The following ABCA8 variants were observed in gnomAD, a reference collection of about 807,000 sequenced individuals.
The protein encoded by ABCA8 is ABC-type organic anion transporter ABCA8.
ABCA8 carries 177 observed loss-of-function variants against 192.3 expected under a neutral mutation model. The ratio of observed to expected loss-of-function variants is 0.92; its 90% CI spans 0.81 to 1.04. The LOEUF (loss-of-function observed/expected upper bound fraction) is 1.04, where lower values mean the gene tolerates loss of function less well. Among genes scored for constraint, ABCA8 ranks in the 50% least tolerant of loss-of-function variants. ABCA8 has a pLI of 0.00. For missense variants in ABCA8, 1,915 were observed against 1,904.8 expected, an observed-to-expected ratio of 1.01 and a Z score of -0.10; for synonymous variants, 642 against 690.2, an observed-to-expected ratio of 0.93 and a Z score of 1.09.
At chr17:68,903,566 A>C in intron 19 of ABCA8, 67 bp from the exon 20 acceptor site, 1 of 1,498,020 alleles carries the variant, frequency 6.7e-7, no homozygotes, top group Non-Finnish European at 9.2e-7. Context: ...TGGCTCTGCT[A>C]AGCATCTCAT....
At chr17:68,899,364 A>G (rs974908744) in intron 21 of ABCA8, among the ~76,000 whole-genome samples, 1 of 152,066 alleles carries the variant, frequency 6.6e-6, no homozygotes, top group Admixed American at 6.5e-5. Context: ...AATTTACAGG[A>G]GACACATATT....
rs537440084 is a variant in ABCA8 at position 68,937,055 on chromosome 17, G to A, written c.362C>T (p.Pro121Leu). The change falls in exon 5 of 40, where the codon CCT becomes CTT. Residue 121 changes from proline to leucine, a missense_variant. Coordinates refer to ENST00000586539, the MANE Select transcript of ABCA8 (RefSeq NM_001288985.2). ...ESIKEFTANYPEEIVRVTFTN... is the reference protein window; with the variant it reads ...ESIKEFTANYLEEIVRVTFTN... ...AAAGGTGACTCTTACTATTTCTTCA[G>A]GATAATTTGCTGTGAATTCTTTAAT... is the stretch of plus-strand genomic sequence containing the variant. 1.9e-6 allele frequency: 3 copies of A among 1,610,322 alleles called. No homozygotes were observed. The Admixed American group carries it at 5.1e-5, about 27-fold the overall frequency.
At chr17:68,891,385 G>T in intron 24 of ABCA8, 104 bp downstream of exon 24, 2 of 679,604 alleles carry the variant, frequency 2.9e-6, no homozygotes, top group Non-Finnish European at 4.8e-6. Flanking sequence ...TGTCTGAATT[G>T]GCTGTTCAAT....
At chr17:68,922,890 C>T (rs1427914348) in intron 11 of ABCA8, among the ~76,000 whole-genome samples, 1 of 152,112 alleles carries the variant, frequency 6.6e-6, no homozygotes, top group Non-Finnish European at 1.5e-5. Flanking sequence ...GGTTTCACAA[C>T]CTGAAAATTT....
chr17:68,921,278 C>A, intron 13 of ABCA8, 104 bp downstream of exon 13: 1 of 620,876 alleles, frequency 1.6e-6, no homozygotes, highest in Non-Finnish European at 2.7e-6. Flanking sequence ...TGCAGCACAC[C>A]AACATGGCAC....
Position 68,868,094 on chromosome 17 carries a change from T to C in ABCA8, c.4857A>G (p.Glu1619=), listed in dbSNP as rs2143161974. 1 of 1,610,738 alleles carries C rather than the reference T, an allele frequency of 6.2e-7. No homozygotes were observed. Among genetic ancestry groups the C allele is most frequent in the East Asian group, 2.2e-5 (1 of 44,856 alleles). ...CACAGAATTTGGGGTTTTAAGGCTCTTCCTGGGGGAGGAGCTTCCACTTCA... is the reference window on the plus strand; with the variant it reads ...CACAGAATTTGGGGTTTTAAGGCTCCTCCTGGGGGAGGAGCTTCCACTTCA... ...PSVKWKLLPQ[E]EP The change falls in exon 40 of 40, where the codon GAA becomes GAG. Residue 1619 remains glutamate, a synonymous_variant. Transcript: ENST00000586539.
At chr17:68,880,767 C>G (rs1178664127) in intron 32 of ABCA8, 1 of 316,392 alleles carries the variant, frequency 3.2e-6, no homozygotes, top group South Asian at 3.2e-5. Flanking sequence ...CCGCTATGCA[C>G]CTGGCTCATT....
chr17:68,903,192 G>C, intron 20 of ABCA8, 109 bp downstream of exon 20: 3 of 1,164,076 alleles, frequency 2.6e-6, no homozygotes, highest in Non-Finnish European at 3.7e-6. Context: ...TTCCCTTTCT[G>C]CTGCCTAATT....
chr17:68,883,183 G>A, intron 29 of ABCA8, among the ~76,000 whole-genome samples: 1 of 152,126 alleles, frequency 6.6e-6, no homozygotes, highest in East Asian at 1.9e-4. Context: ...TCCCTTGAGT[G>A]CCTCCTTCAT....
At chr17:68,933,120 C>G in intron 6 of ABCA8, 48 bp downstream of exon 6, 1 of 1,290,854 alleles carries the variant, frequency 7.7e-7, no homozygotes, top group Non-Finnish European at 1.1e-6. Flanking sequence ...CCTCTAATAT[C>G]ATTAACTTGC....
rs558400302 is a variant in ABCA8 at position 68,908,187 on chromosome 17, A to G, written c.2139-308T>C. ...AAGCTCCTGAAGAGAGGGTGGTCAC[A>G]GAGTGGAAAATACCAGGGTTGCAGT... On this transcript the variant is annotated intron_variant, in intron 17 of 39. Coordinates refer to ENST00000586539, the MANE Select transcript of ABCA8 (RefSeq NM_001288985.2). Among the ~76,000 whole-genome samples, 3 of 152,298 alleles carry G rather than the reference A, an allele frequency of 2.0e-5. No individual in the cohort carries two copies. The East Asian group carries it at 5.8e-4, about 29-fold the overall frequency.
intron 21 of ABCA8, 94 bp from the exon 22 acceptor site, chr17:68,895,107 C>A (rs571490665): frequency 2.2e-5 from 23 of 1,059,426 alleles, no homozygotes; most frequent in East Asian, 2.1e-4. Context: ...TTATGTGAAG[C>A]AGTAATATGG....
At position 68,876,680 on chromosome 17, in the gene ABCA8, T is replaced by G; in HGVS notation, c.4223A>C (p.Gln1408Pro). 6.2e-7 allele frequency: 1 copy of G among 1,614,188 alleles called. No individual in the cohort carries two copies. Among genetic ancestry groups the G allele is most frequent in the Non-Finnish European group, 8.5e-7 (1 of 1,180,016 alleles). The change falls in exon 34 of 40, where the codon CAG becomes CCG. Residue 1408 changes from glutamine to proline, a missense_variant. Coordinates refer to ENST00000586539, the MANE Select transcript of ABCA8 (RefSeq NM_001288985.2). ...CTTCACGGGAGACTTCAGCTGGTCC[T>G]GCAGCTTGAGCGCATCCACTAACCT... ...ITRLVDALKL[Q>P]DQLKSPVKTL...
chr17:68,874,023 A>G (rs186712316), intron 37 of ABCA8, among the ~76,000 whole-genome samples: 6 of 152,288 alleles, frequency 3.9e-5, no homozygotes, highest in African/African-American at 1.4e-4. Context: ...AGGTGAATTG[A>G]TAATAATCAA....
At chr17:68,881,091 A>G in intron 32 of ABCA8, 29 bp downstream of exon 32, 1 of 1,446,588 alleles carries the variant, frequency 6.9e-7, no homozygotes, top group Non-Finnish European at 9.7e-7. Context: ...TCACCATTAG[A>G]TAACATATTT....
At chr17:68,909,371 C>A (rs968572324) in intron 17 of ABCA8, among the ~76,000 whole-genome samples, 1 of 152,138 alleles carries the variant, frequency 6.6e-6, no homozygotes, top group African/African-American at 2.4e-5. Flanking sequence ...GGGCTCCAAC[C>A]AAACTGTATT....
rs1487272536 is a variant in ABCA8, at chr17:68,919,306, T to G, written c.1783A>C (p.Lys595Gln). 3 of 1,608,854 alleles carry G rather than the reference T, an allele frequency of 1.9e-6. No homozygotes were observed. The East Asian group carries it at 6.7e-5, about 36-fold the overall frequency. Residue 595 changes from lysine (K) to glutamine (Q), a missense_variant, in exon 14 of 40, where the codon AAA becomes CAA. Coordinates refer to ENST00000586539, the MANE Select transcript of ABCA8 (RefSeq NM_001288985.2). Reference sequence around the variant, plus strand: ...ACTTTAACATATTTTTGTACCTCTTTATCCACTTCTTGTGGCAGAATCCCT... The same window carrying G: ...ACTTTAACATATTTTTGTACCTCTTGATCCACTTCTTGTGGCAGAATCCCT... ...IKGILPQEVD[K>Q]EIQRVLLELE... is the part of the protein sequence containing the mutation.
intron 28 of ABCA8, 52 bp downstream of exon 28, chr17:68,884,279 A>G (rs1005185535): frequency 1.4e-6 from 2 of 1,469,924 alleles, no homozygotes; most frequent in African/African-American, 1.5e-5. Flanking sequence ...AGAACTGAAA[A>G]TTATTAAATT....
Position 68,881,184 on chromosome 17 carries a change from T to C in ABCA8, c.3974A>G (p.Asn1325Ser), listed in dbSNP as rs1207858126. Residue 1325 changes from asparagine to serine, a missense_variant, in exon 32 of 40, where the codon AAT (asparagine) becomes AGT (serine). Coordinates refer to ENST00000586539, the MANE Select transcript of ABCA8 (RefSeq NM_001288985.2). ...KGEVLGLLGH[N>S]GAGKSTSIKV... ...AATGGATGTGCTTTTACCAGCTCCA[T>C]TGTGTCCTAATAATCCTAAAACTTC... 10 of 1,613,790 alleles carry C rather than the reference T, an allele frequency of 6.2e-6. No individual in the cohort carries two copies. The highest frequency in any genetic ancestry group is 6.8e-6 in the Non-Finnish European group (8 of 1,179,798).
Sources: gnomAD v4.1 joint callset for allele counts (sites outside exome capture counted in the v4.1 genomes callset) on GRCh38, gnomAD v4.1.1 for gene constraint, MANE v1.5 for transcripts, NCBI Gene and HGNC (gene_info 2026-07-23, HGNC 2026-07-21) for gene names.